The following SUMF1 variants were observed in gnomAD, a reference collection of about 807,000 sequenced individuals.
The protein encoded by SUMF1 is sulfatase modifying factor 1, also known as formylglycine-generating enzyme.
A neutral mutation model predicts 47.6 loss-of-function variants in SUMF1; 48 were observed. The ratio of observed to expected loss-of-function variants is 1.01; its 90% confidence interval spans 0.80 to 1.28. SUMF1 has a LOEUF of 1.28. SUMF1 is among the 50% of genes most tolerant of loss of function. The pLI, the probability that SUMF1 is intolerant of heterozygous loss-of-function variation, is 0.00. For synonymous variants in SUMF1, 230 were observed against 192.1 expected (o/e 1.20, Z -1.63); for missense variants, 571 against 485.4 (o/e 1.18, Z -1.66).
At chr3:4,362,994 C>A (rs1699817571) in intron 8 of SUMF1, among the ~76,000 whole-genome samples, 1 of 152,118 alleles carries the variant, frequency 6.6e-6, no homozygotes, top group African/African-American at 2.4e-5. Context: ...GTGTAGATAA[C>A]TACATGTGCC....
chr3:4,081,789 T>G (rs1333299384), intron 8 of SUMF1, among the ~76,000 whole-genome samples: 2 of 152,160 alleles, frequency 1.3e-5, no homozygotes, highest in African/African-American at 4.8e-5. Context: ...CACAACTAGG[T>G]GCAGCCACAA....
chr3:4,330,406 A>C (rs925825434), intron 8 of SUMF1, among the ~76,000 whole-genome samples: 1 of 152,250 alleles, frequency 6.6e-6, no homozygotes, highest in Non-Finnish European at 1.5e-5. Context: ...TGGCTGGGGA[A>C]GCCTCACAAT....
intron 4 of SUMF1, among the ~76,000 whole-genome samples, chr3:4,418,344 G>A (rs1481510479): frequency 6.6e-6 from 1 of 152,180 alleles, no homozygotes; most frequent in African/African-American, 2.4e-5. Context: ...CAGTTCCACT[G>A]GGAACTAGAC....
At chr3:4,160,625 T>A (rs1215546244) in intron 8 of SUMF1, among the ~76,000 whole-genome samples, 1 of 152,124 alleles carries the variant, frequency 6.6e-6, no homozygotes, top group African/African-American at 2.4e-5. Context: ...CATTCTTCAG[T>A]ATGTCAATTG....
At position 4,074,261 on chromosome 3, in the gene SUMF1, G is replaced by C. The variant is rs1456962520; in HGVS notation, c.1015-5516C>G. 2.6e-5 allele frequency among the ~76,000 whole-genome samples: 4 copies of C among 152,124 alleles called. No individual in the cohort carries two copies. In the East Asian group the frequency reaches 7.7e-4, roughly 29 times the overall value. On this transcript the variant is annotated intron_variant and NMD_transcript_variant, in intron 8 of 12. Transcript: ENST00000448413. ...ACTACTGGATAAATAACAAAATGAA[G>C]GCAGAAATAAAGATATTCTTTGAAA... is the stretch of plus-strand genomic sequence containing the variant.
At position 4,241,028 on chromosome 3, in the gene SUMF1, T is replaced by G. The variant is rs142133947; in HGVS notation, c.1014+135302A>C. On this transcript the variant is annotated intron_variant and NMD_transcript_variant, in intron 8 of 12. Coordinates refer to the SUMF1 transcript ENST00000448413. ...TTGGCACCCAAAGCACATTTATATGTGTAGAAAGCACATTTATATCAGTAG... is the reference window on the plus strand; with the variant it reads ...TTGGCACCCAAAGCACATTTATATGGGTAGAAAGCACATTTATATCAGTAG... Among the ~76,000 whole-genome samples the G allele has an allele frequency of 2.6e-3, 402 of 152,198 alleles. 4 individuals carry two copies. Among genetic ancestry groups the G allele is most frequent in the African/African-American group, 9.4e-3 (391 of 41,532 alleles).
At position 4,240,343 on chromosome 3, in the gene SUMF1, C is replaced by T. The variant is rs144996733; in HGVS notation, c.1014+135987G>A. On this transcript the variant is annotated intron_variant and NMD_transcript_variant, in intron 8 of 12. Transcript: ENST00000448413. ...TGTTTGGAATAGTTTCAGAAGGAAA[C>T]TCCTCTTTGTACCTCTGGTAGAATT... 7.0e-3 allele frequency among the ~76,000 whole-genome samples: 1,064 copies of T among 151,814 alleles called. 11 individuals carry two copies. The highest frequency in any genetic ancestry group is 0.024 in the African/African-American group (1,007 of 41,484).
At chr3:4,159,713 C>A (rs866874679) in intron 8 of SUMF1, among the ~76,000 whole-genome samples, 4 of 152,058 alleles carry the variant, frequency 2.6e-5, no homozygotes, top group African/African-American at 9.7e-5. Context: ...TAAGGAACTG[C>A]GTTTTAGCAT....
chr3:4,217,065 G>A lies in SUMF1; in HGVS notation c.1015-148320C>T, dbSNP rs894838574. ...TTCTACTATAAAGACACATGCACAC[G>A]TATGTTTATTGTGGCACTATTCACA... On this transcript the variant is annotated intron_variant and NMD_transcript_variant, in intron 8 of 12. Transcript: ENST00000448413. 8.9e-4 allele frequency among the ~76,000 whole-genome samples: 135 copies of A among 152,206 alleles called. 3 individuals are homozygous for A. Among genetic ancestry groups the A allele is most frequent in the Admixed American group, 7.8e-3 (120 of 15,292 alleles).
chr3:4,204,379 T>C (rs1034262203), intron 8 of SUMF1, among the ~76,000 whole-genome samples: 1 of 152,164 alleles, frequency 6.6e-6, no homozygotes, highest in Non-Finnish European at 1.5e-5. Context: ...ATATGTTGTT[T>C]GTTTTCTCTT....
chr3:4,408,741 C>A (rs1407225682), intron 7 of SUMF1, among the ~76,000 whole-genome samples: 1 of 152,100 alleles, frequency 6.6e-6, no homozygotes, highest in Non-Finnish European at 1.5e-5. Context: ...GGGGACAAGG[C>A]GGGTAGATCA....
At chr3:4,390,645 C>T (rs1007547548) in intron 7 of SUMF1, among the ~76,000 whole-genome samples, 22 of 152,110 alleles carry the variant, frequency 1.4e-4, no homozygotes, top group South Asian at 4.1e-4. Flanking sequence ...TACAGTGGCA[C>T]GATCTTGGCT....
chr3:4,445,000 G>C (rs1481536093), intron 3 of SUMF1, among the ~76,000 whole-genome samples: 2 of 152,156 alleles, frequency 1.3e-5, no homozygotes, highest in Non-Finnish European at 1.5e-5. Flanking sequence ...AGCACTGCTA[G>C]GACTCAGGAC....
intron 3 of SUMF1, among the ~76,000 whole-genome samples, chr3:4,448,401 G>C (rs1702857065): frequency 1.3e-5 from 2 of 152,024 alleles, no homozygotes. Flanking sequence ...ATGAGGGCTG[G>C]ATTCCTTCGT....
intron 9 of SUMF1, among the ~76,000 whole-genome samples, chr3:4,051,188 A>C (rs1384883832): frequency 6.6e-6 from 1 of 152,020 alleles, no homozygotes; most frequent in Non-Finnish European, 1.5e-5. Flanking sequence ...AACAACTGGA[A>C]ACTACCTGTT....
intron 8 of SUMF1, among the ~76,000 whole-genome samples, chr3:4,217,783 A>T (rs1695968497): frequency 6.6e-6 from 1 of 151,294 alleles, no homozygotes; most frequent in South Asian, 2.1e-4. Context: ...GAAAAGAATA[A>T]GATATATCCA....
At chr3:4,093,490 G>A (rs1692833749) in intron 8 of SUMF1, among the ~76,000 whole-genome samples, 1 of 151,960 alleles carries the variant, frequency 6.6e-6, no homozygotes, top group Non-Finnish European at 1.5e-5. Context: ...AAAGGAGGAG[G>A]AAAACAGATC....
At chr3:4,101,757 A>AT (rs1466216313) in intron 8 of SUMF1, among the ~76,000 whole-genome samples, 4 of 152,058 alleles carry the variant, frequency 2.6e-5, no homozygotes, top group Non-Finnish European at 5.9e-5. Context: ...TCTGTTATCA[A>AT]TTTTTTTCAG....
chr3:4,105,679 T>C (rs1314653114), intron 8 of SUMF1, among the ~76,000 whole-genome samples: 1 of 152,090 alleles, frequency 6.6e-6, no homozygotes, highest in African/African-American at 2.4e-5. Flanking sequence ...TGAATGTCTG[T>C]TTGGGGAACT....
Sources: allele counts gnomAD v4.1 joint callset (sites outside exome capture counted in the v4.1 genomes callset), GRCh38; gene constraint gnomAD v4.1.1; transcripts MANE v1.5; gene names NCBI Gene and HGNC (gene_info 2026-07-23, HGNC 2026-07-21).